The following MEAF6 variants were observed in gnomAD, a reference collection of about 807,000 sequenced individuals.
The protein encoded by MEAF6 is MYST/Esa1 associated factor 6.
In MEAF6, 15 loss-of-function variants were observed where a neutral mutation model predicts 28.9. The observed-to-expected ratio is 0.52, with a 90% confidence interval of 0.35 to 0.80. The LOEUF (loss-of-function observed/expected upper bound fraction) is 0.80, where lower values mean the gene tolerates loss of function less well. Ranked by LOEUF, MEAF6 falls within the 30% of genes least tolerant of loss-of-function variation. The pLI, the probability that MEAF6 is intolerant of heterozygous loss-of-function variation, is 0.01. For missense variants in MEAF6, 178 were observed against 237.5 expected (o/e 0.75, Z 1.65); for synonymous variants, 97 against 88.7 (o/e 1.09, Z -0.53).
rs540449287 is a variant in MEAF6 at position 37,491,659 on chromosome 1, G to A, written c.*2440C>T. Among the ~76,000 whole-genome samples, 26 of 151,862 alleles carry A rather than the reference G, an allele frequency of 1.7e-4. 1 individual carries two copies. The South Asian group carries it at 3.5e-3, about 21-fold the overall frequency. The stretch of plus-strand genomic sequence containing the variant: ...GGCTGCACTGAGCTTTGATCAGGCC[G>A]CTGCACTCCAGCCTGGGTGACAGAG... On this transcript the variant is annotated 3_prime_UTR_variant, in exon 7 of 7. Transcript: ENST00000296214.
At chr1:37,508,731 T>C (rs1252083342) in intron 4 of MEAF6, among the ~76,000 whole-genome samples, 2 of 152,228 alleles carry the variant, frequency 1.3e-5, no homozygotes, top group Non-Finnish European at 2.9e-5. Context: ...CTTTGTCTCT[T>C]TGAGATGCTA....
chr1:37,512,481 T>C (rs1351853411), intron 2 of MEAF6, among the ~76,000 whole-genome samples: 1 of 146,352 alleles, frequency 6.8e-6, no homozygotes, highest in Non-Finnish European at 1.5e-5. Context: ...CAAGTGTTCA[T>C]ATACTATTCT....
chr1:37,492,560 C>CAAAAAAAAAAAAAAAAAAAAAAAAAAA lies in MEAF6; in HGVS notation c.*1538_*1539insTTTTTTTTTTTTTTTTTTTTTTTTTTT, dbSNP rs35527783. 1 of 73,090 alleles carries CAAAAAAAAAAAAAAAAAAAAAAAAAAA rather than the reference C, an allele frequency of 1.4e-5. No individual in the cohort carries two copies. The highest frequency in any genetic ancestry group is 2.5e-5 in the Non-Finnish European group (1 of 40,196). The allele number at this position is 73,090 out of a possible 1,614,324, so 4.5% of individuals were successfully genotyped here. On this transcript the variant is annotated 3_prime_UTR_variant, in exon 7 of 7. Transcript: ENST00000296214. Reference sequence around the variant, plus strand: ...AGTCAAAGATCTAAATAGCCAGAGTCAAAAAAAAAAAAAAAAAAAAACCCA... The same window carrying CAAAAAAAAAAAAAAAAAAAAAAAAAAA: ...AGTCAAAGATCTAAATAGCCAGAGTCAAAAAAAAAAAAAAAAAAAAAAAAAAAAAAAAAAAAAAAAAAAAAAAACCCA...
intron 1 of MEAF6, 163 bp from the exon 2 acceptor site, chr1:37,513,701 T>A: frequency 1.6e-6 from 1 of 640,510 alleles, no homozygotes; most frequent in South Asian, 1.8e-5. Flanking sequence ...CGTTTAGGAC[T>A]AAGACAGTCT....
rs1641926381 is a variant in MEAF6, at chr1:37,491,469, G to A, written c.*2630C>T. On this transcript the variant is annotated 3_prime_UTR_variant, in exon 7 of 7. Coordinates refer to ENST00000296214, the MANE Select transcript of MEAF6 (RefSeq NM_001270875.3). Reference sequence around the variant, plus strand: ...TTTGGGAGGCCAAGGCAGAAGGACTGCTTGAGGCCAGGAGGACTGCTTGAG... The same window carrying A: ...TTTGGGAGGCCAAGGCAGAAGGACTACTTGAGGCCAGGAGGACTGCTTGAG... Among the ~76,000 whole-genome samples, 1 of 152,154 alleles carries A rather than the reference G, an allele frequency of 6.6e-6. No individual in the cohort carries two copies. The highest frequency in any genetic ancestry group is 2.4e-5 in the African/African-American group (1 of 41,420).
Position 37,493,737 on chromosome 1 carries a change from A to G in MEAF6, c.*362T>C, listed in dbSNP as rs542714132. ...TGACTTGTGTTCTACTTTCAGCATA[A>G]AACAAAACCAGAGAACATTTCTTGA... On this transcript the variant is annotated 3_prime_UTR_variant, in exon 7 of 7. Transcript: ENST00000296214. 1.3e-6 allele frequency: 2 copies of G among 1,519,790 alleles called. No homozygotes were observed. Among genetic ancestry groups the G allele is most frequent in the African/African-American group, 1.4e-5 (1 of 72,572 alleles). 94.1% of individuals were successfully genotyped at this position (1,519,790 alleles called of 1,614,324 possible). A position where few individuals can be genotyped will look rare whatever the true frequency, so the allele number is the denominator to read the frequency against.
rs1214137962 is a variant in MEAF6, at chr1:37,495,694, AAACAAAAAACAAAAAAAAAAAAAAAC to A, written c.567+165_567+190del. 3.1e-4 allele frequency among the ~76,000 whole-genome samples: 34 copies of A among 110,540 alleles called. 1 individual carries two copies. The highest frequency in any genetic ancestry group is 5.5e-4 in the Non-Finnish European group (27 of 48,686). 72.5% of individuals were successfully genotyped at this position (110,540 alleles called of 152,430 possible). On this transcript the variant is annotated intron_variant, in intron 6 of 6. Transcript: ENST00000296214. ...CAAGAAACTGTCTCTCAAAAAAAAA[AAACAAAAAACAAAAAAAAAAAAAAAC>A]AAAAAAACCACCTAAAAGTTGAAGT...
chr1:37,504,979 G>T (rs1642435796), intron 4 of MEAF6, among the ~76,000 whole-genome samples: 1 of 151,676 alleles, frequency 6.6e-6, no homozygotes, highest in African/African-American at 2.4e-5. Flanking sequence ...CACCTCCCTG[G>T]TTCAAACGGT....
At chr1:37,513,570 A>C in intron 1 of MEAF6, 32 bp from the exon 2 acceptor site, 1 of 1,506,136 alleles carries the variant, frequency 6.6e-7, no homozygotes, top group Non-Finnish European at 9.2e-7. Flanking sequence ...CATGAATGAT[A>C]CCTTTTAAAT....
chr1:37,499,200 T>C (rs1166519892), intron 5 of MEAF6, among the ~76,000 whole-genome samples: 1 of 152,140 alleles, frequency 6.6e-6, no homozygotes, highest in African/African-American at 2.4e-5. Context: ...TCAAGTTATT[T>C]CCTTTTGCTT....
intron 5 of MEAF6, among the ~76,000 whole-genome samples, chr1:37,499,642 C>A (rs1642232810): frequency 6.6e-6 from 1 of 152,138 alleles, no homozygotes; most frequent in Non-Finnish European, 1.5e-5. Context: ...AGAGGGAAGA[C>A]AAAAGGACAG....
rs190548739 is a variant in MEAF6 at position 37,493,890 on chromosome 1, C to G, written c.*209G>C. The stretch of plus-strand genomic sequence containing the variant: ...TCTTCATCTTCCTGCAGTTCTGTTA[C>G]TAAAAATGACATAAAGTAAGACCCA... On this transcript the variant is annotated 3_prime_UTR_variant, in exon 7 of 7. Coordinates refer to ENST00000296214, the MANE Select transcript of MEAF6 (RefSeq NM_001270875.3). 1.3e-5 allele frequency: 21 copies of G among 1,574,808 alleles called. No homozygotes were observed. Among genetic ancestry groups the G allele is most frequent in the Middle Eastern group, 3.4e-4 (2 of 5,960 alleles).
At chr1:37,509,589 G>A in intron 2 of MEAF6, 47 bp from the exon 3 acceptor site, 1 of 1,537,458 alleles carries the variant, frequency 6.5e-7, no homozygotes, top group Non-Finnish European at 8.9e-7. Context: ...TATGTCTATG[G>A]CTCAAGCTGG....
chr1:37,491,373 T>A lies in MEAF6; in HGVS notation c.*2726A>T, dbSNP rs1641923415. On this transcript the variant is annotated 3_prime_UTR_variant, in exon 7 of 7. Coordinates refer to ENST00000296214, the MANE Select transcript of MEAF6 (RefSeq NM_001270875.3). ...TACAAAACTTAGATGGGCATGGTGGTGCATGCCTGTAGTCCCAGCTACTGG... is the reference window on the plus strand; with the variant it reads ...TACAAAACTTAGATGGGCATGGTGGAGCATGCCTGTAGTCCCAGCTACTGG... 6.6e-6 allele frequency among the ~76,000 whole-genome samples: 1 copy of A among 151,874 alleles called. No homozygotes were observed. Among genetic ancestry groups the A allele is most frequent in the Non-Finnish European group, 1.5e-5 (1 of 67,982 alleles).
intron 6 of MEAF6, 84 bp downstream of exon 6, chr1:37,495,801 A>C: frequency 7.4e-7 from 1 of 1,345,520 alleles, no homozygotes; most frequent in African/African-American, 1.4e-5. Flanking sequence ...CAGGTTAGGA[A>C]CACTCAAGCT....
chr1:37,497,545 T>C (rs1642162293), intron 5 of MEAF6, among the ~76,000 whole-genome samples: 1 of 152,132 alleles, frequency 6.6e-6, no homozygotes, highest in Admixed American at 6.6e-5. Flanking sequence ...ATCAGGGCTA[T>C]AATTAAGAAA....
intron 5 of MEAF6, among the ~76,000 whole-genome samples, chr1:37,498,488 T>G (rs1279990056): frequency 6.6e-6 from 1 of 151,606 alleles, no homozygotes; most frequent in Non-Finnish European, 1.5e-5. Context: ...CAGGATGAAG[T>G]GCAGTAGCTC....
At chr1:37,508,446 T>C (rs1642558698) in intron 4 of MEAF6, among the ~76,000 whole-genome samples, 2 of 152,016 alleles carry the variant, frequency 1.3e-5, no homozygotes. Context: ...GCCTGGCTAA[T>C]TTTTTAATTT....
intron 5 of MEAF6, among the ~76,000 whole-genome samples, chr1:37,499,746 T>C (rs1642236809): frequency 6.6e-6 from 1 of 152,218 alleles, no homozygotes; most frequent in African/African-American, 2.4e-5. Flanking sequence ...ACTATTTTTC[T>C]GGAAGGAGAT....
Sources: gnomAD v4.1 joint callset for allele counts (sites outside exome capture counted in the v4.1 genomes callset) on GRCh38, gnomAD v4.1.1 for gene constraint, MANE v1.5 for transcripts, NCBI Gene and HGNC (gene_info 2026-07-23, HGNC 2026-07-21) for gene names.